Variants in ADCY8 observed in about 807,000 individuals in gnomAD.
The protein encoded by ADCY8 is adenylate cyclase type 8.
In ADCY8, 51 loss-of-function variants were observed where a neutral mutation model predicts 119.7. The observed-to-expected ratio is 0.43, with a 90% CI of 0.34 to 0.54. ADCY8 has a LOEUF of 0.54. ADCY8 is among the 20% of genes least tolerant of loss of function. ADCY8 has a pLI of 0.03. For synonymous variants in ADCY8, 665 were observed against 651.0 expected, an observed-to-expected ratio of 1.02 and a Z score of -0.33; for missense variants, 1,383 against 1,598.8, an observed-to-expected ratio of 0.87 and a Z score of 2.30.
At chr8:130,914,385 G>C (rs1012647465) in intron 5 of ADCY8, among the ~76,000 whole-genome samples, 1 of 152,174 alleles carries the variant, frequency 6.6e-6, no homozygotes, top group African/African-American at 2.4e-5. Flanking sequence ...GAATGCACTG[G>C]AGCATCTTAA....
rs1586560644 is a variant in ADCY8 at position 130,908,768 on chromosome 8, G to A, written c.1640+940C>T. Among the ~76,000 whole-genome samples the A allele has an allele frequency of 4.6e-5, 7 of 152,318 alleles. 1 individual carries two copies. The highest frequency in any genetic ancestry group is 4.6e-4 in the Admixed American group (7 of 15,300). Reference sequence around the variant, plus strand: ...ACACTAAAATCACACGCCAGGTGCTGTGCATGCTTTACATAACTTGCTGAA... The same window carrying A: ...ACACTAAAATCACACGCCAGGTGCTATGCATGCTTTACATAACTTGCTGAA... On this transcript the variant is annotated intron_variant, in intron 6 of 17. Transcript: ENST00000286355.
intron 1 of ADCY8, among the ~76,000 whole-genome samples, chr8:131,019,507 C>T (rs1037761619): frequency 1.3e-5 from 2 of 152,144 alleles, no homozygotes; most frequent in African/African-American, 2.4e-5. Flanking sequence ...TTTAGCCTTA[C>T]CTAGGATTTG....
At chr8:130,794,505 A>G (rs1815520335) in intron 15 of ADCY8, among the ~76,000 whole-genome samples, 1 of 152,180 alleles carries the variant, frequency 6.6e-6, no homozygotes, top group South Asian at 2.1e-4. Flanking sequence ...CGGCCTTCCA[A>G]GGTGCTGGGA....
intron 5 of ADCY8, among the ~76,000 whole-genome samples, chr8:130,912,605 T>C (rs1820015502): frequency 6.6e-6 from 1 of 152,310 alleles, no homozygotes; most frequent in Middle Eastern, 3.4e-3. Flanking sequence ...TGTTCTTAAA[T>C]TGTAAGGTAA....
chr8:131,031,830 T>A lies in ADCY8; in HGVS notation c.960+7544A>T, dbSNP rs181596076. On this transcript the variant is annotated intron_variant, in intron 1 of 17. Transcript: ENST00000286355. ...AGTCTCAGGTTTTGTTATAGCAGCA[T>A]AAGATGGGTTCTGTTAGATTTTTTT... Among the ~76,000 whole-genome samples the A allele has an allele frequency of 4.9e-4, 75 of 152,298 alleles. 1 individual carries two copies. Among genetic ancestry groups the A allele is most frequent in the East Asian group, 4.0e-3 (21 of 5,188 alleles).
chr8:131,012,176 A>T (rs899842629), intron 1 of ADCY8, among the ~76,000 whole-genome samples: 2 of 152,194 alleles, frequency 1.3e-5, no homozygotes, highest in Non-Finnish European at 2.9e-5. Flanking sequence ...TCACCTGAGC[A>T]TGTTGGGTTC....
At chr8:130,899,750 T>G (rs997506989) in intron 7 of ADCY8, among the ~76,000 whole-genome samples, 16 of 152,228 alleles carry the variant, frequency 1.1e-4, no homozygotes, top group Non-Finnish European at 2.2e-4. Flanking sequence ...ATATAGATTT[T>G]ACTCAGAGCA....
intron 12 of ADCY8, among the ~76,000 whole-genome samples, chr8:130,830,385 C>T (rs1257611672): frequency 6.6e-6 from 1 of 152,082 alleles, no homozygotes; most frequent in Non-Finnish European, 1.5e-5. Flanking sequence ...GGTCAGCTTT[C>T]CCCACATGAT....
chr8:130,938,174 G>A (rs1378710026), intron 4 of ADCY8, among the ~76,000 whole-genome samples: 2 of 152,094 alleles, frequency 1.3e-5, no homozygotes, highest in East Asian at 3.9e-4. Flanking sequence ...GTGAGTCTTT[G>A]GGTAAACTAC....
At chr8:130,990,362 A>G in intron 2 of ADCY8, 31 bp downstream of exon 2, 2 of 1,610,138 alleles carry the variant, frequency 1.2e-6, no homozygotes, top group South Asian at 2.2e-5. Flanking sequence ...GCTAGGTGAT[A>G]ACTAAAACAC....
intron 8 of ADCY8, among the ~76,000 whole-genome samples, chr8:130,868,619 T>C (rs1008379587): frequency 2.0e-5 from 3 of 152,220 alleles, no homozygotes; most frequent in South Asian, 2.1e-4. Context: ...TTTGCCTTAC[T>C]TCTGCCTACT....
chr8:130,958,980 G>C (rs1821519258), intron 2 of ADCY8, among the ~76,000 whole-genome samples: 1 of 151,940 alleles, frequency 6.6e-6, no homozygotes, highest in African/African-American at 2.4e-5. Flanking sequence ...ATAACACCTG[G>C]TTTATATAGG....
At chr8:130,991,119 C>T (rs535326616) in intron 1 of ADCY8, among the ~76,000 whole-genome samples, 1 of 152,290 alleles carries the variant, frequency 6.6e-6, no homozygotes, top group South Asian at 2.1e-4. Context: ...AAATATGCTT[C>T]CTGGACTCTT....
rs775176840 is a variant in ADCY8, at chr8:130,783,710, G to A, written c.3249C>T (p.Asn1083=). ...SIQEINKHSF[N]NFELRIGISH... is the part of the protein sequence containing the mutation. ...ACTCACCAATCCGGAGTTCAAAATT[G>A]TTGAATGAATGCTTGTTGATCTCCT... Residue 1083 remains asparagine (N), a synonymous_variant, in exon 17 of 18, where the codon AAC becomes AAT. Transcript: ENST00000286355. 19 of 1,613,336 alleles carry A rather than the reference G, an allele frequency of 1.2e-5. No homozygotes were observed. The highest frequency in any genetic ancestry group is 8.5e-7 in the Non-Finnish European group (1 of 1,179,620).
intron 1 of ADCY8, among the ~76,000 whole-genome samples, chr8:131,012,073 GCA>G (rs1823325129): frequency 6.6e-6 from 1 of 152,136 alleles, no homozygotes; most frequent in Non-Finnish European, 1.5e-5. Context: ...CAGAAACTCT[GCA>G]TTTTGTTGCT....
chr8:130,886,087 C>T (rs1818971520), intron 7 of ADCY8, among the ~76,000 whole-genome samples: 1 of 152,000 alleles, frequency 6.6e-6, no homozygotes, highest in African/African-American at 2.4e-5. Context: ...AAGGATTCTC[C>T]CTATGGTGTT....
intron 1 of ADCY8, among the ~76,000 whole-genome samples, chr8:131,003,719 G>C (rs1183392419): frequency 6.6e-6 from 1 of 152,216 alleles, no homozygotes; most frequent in Admixed American, 6.5e-5. Flanking sequence ...GTGATTGACT[G>C]TCTTGGTTTG....
intron 5 of ADCY8, among the ~76,000 whole-genome samples, chr8:130,915,463 A>G (rs1820099544): frequency 6.6e-6 from 1 of 152,162 alleles, no homozygotes; most frequent in Non-Finnish European, 1.5e-5. Context: ...AACACCACAC[A>G]GGCATAGAAC....
intron 2 of ADCY8, among the ~76,000 whole-genome samples, chr8:130,974,789 G>A (rs999838056): frequency 2.0e-5 from 3 of 152,192 alleles, no homozygotes; most frequent in African/African-American, 7.2e-5. Flanking sequence ...AAACGTGAAG[G>A]TTAAAAGGAG....
Sources: allele counts gnomAD v4.1 joint callset (sites outside exome capture counted in the v4.1 genomes callset), GRCh38; gene constraint gnomAD v4.1.1; transcripts MANE v1.5; gene names NCBI Gene and HGNC (gene_info 2026-07-23, HGNC 2026-07-21).